The following WASHC4 variants were observed in gnomAD, a reference collection of about 807,000 sequenced individuals.
WASHC4 encodes WASH complex subunit 4, also known as WASH complex subunit 7.
Under a neutral mutation model 166.6 loss-of-function variants are expected in WASHC4, and 86 were observed. The ratio of observed to expected loss-of-function variants is 0.52; its 90% confidence interval spans 0.43 to 0.62. The LOEUF is 0.62. Among genes scored for constraint, WASHC4 ranks in the 20% least tolerant of loss-of-function variants. The pLI is 0.00. For missense variants in WASHC4, 1,262 were observed against 1,382.4 expected (o/e 0.91, Z 1.38); for synonymous variants, 446 against 451.6 (o/e 0.99, Z 0.16).
In WASHC4 at chr12:105,144,883, A is replaced by C. The variant is rs758683532; in HGVS notation, c.2334+11A>C. On this transcript the variant is annotated intron_variant, in intron 22 of 32. Transcript: ENST00000332180. ...CAGACTTTGGAACAGGTATAGTATA[A>C]AATGTTTTTTTTAGCATACTGTGAC... 6.2e-7 allele frequency: 1 copy of C among 1,608,728 alleles called. No homozygotes were observed. The highest frequency in any genetic ancestry group is 8.5e-7 in the Non-Finnish European group (1 of 1,178,126).
In WASHC4 at chr12:105,142,943, T is replaced by G. The variant is rs183516059; in HGVS notation, c.1894-184T>G. ...AAGGACTAGCGAATGTGATTTTTTTTGGGTATATTTAGTTAAAGTATATGC... is the reference window on the plus strand; with the variant it reads ...AAGGACTAGCGAATGTGATTTTTTTGGGGTATATTTAGTTAAAGTATATGC... On this transcript the variant is annotated intron_variant, in intron 19 of 32. Coordinates refer to ENST00000332180, the MANE Select transcript of WASHC4 (RefSeq NM_015275.3). Among the ~76,000 whole-genome samples, 531 of 152,144 alleles carry G rather than the reference T, an allele frequency of 3.5e-3. 2 individuals are homozygous for G. Among genetic ancestry groups the G allele is most frequent in the African/African-American group, 0.012 (490 of 41,578 alleles).
At position 105,168,436 on chromosome 12, in the gene WASHC4, TTATAA is replaced by T. The variant is rs1339810295; in HGVS notation, c.*1506_*1510del. 6.7e-6 allele frequency: 1 copy of T among 148,272 alleles called. No individual in the cohort carries two copies. The highest frequency in any genetic ancestry group is 2.6e-5 in the African/African-American group (1 of 38,962). 9.2% of individuals were successfully genotyped at this position (148,272 alleles called of 1,614,324 possible). A position where few individuals can be genotyped will look rare whatever the true frequency, so the allele number is the denominator to read the frequency against. On this transcript the variant is annotated 3_prime_UTR_variant, in exon 33 of 33. Coordinates refer to ENST00000332180, the MANE Select transcript of WASHC4 (RefSeq NM_015275.3). ...TAATTAATAATTTATATTTTCATTA[TTATAA>T]GTGTTTATATTAATGATCTTGCATT...
chr12:105,117,453 T>C (rs1276143545), intron 6 of WASHC4, among the ~76,000 whole-genome samples: 1 of 152,232 alleles, frequency 6.6e-6, no homozygotes, highest in Non-Finnish European at 1.5e-5. Context: ...GGCTTGTTTC[T>C]GCCTTTTTAC....
At chr12:105,110,770 T>C (rs376846990) in intron 1 of WASHC4, among the ~76,000 whole-genome samples, 1 of 152,140 alleles carries the variant, frequency 6.6e-6, no homozygotes, top group African/African-American at 2.4e-5. Flanking sequence ...TGCAAAAGAG[T>C]TGTTCATGAC....
chr12:105,126,953 A>T (rs1473358542), intron 12 of WASHC4, among the ~76,000 whole-genome samples, 176 bp from the exon 13 acceptor site: 1 of 152,086 alleles, frequency 6.6e-6, no homozygotes, highest in African/African-American at 2.4e-5. Context: ...CAGATGTAGA[A>T]ATGCCTTAAC....
Position 105,111,140 on chromosome 12 carries a change from T to G in WASHC4, c.77T>G (p.Val26Gly). ...TTAAACTTAGAAATTCATGCCGAAG[T>G]CCAACTTAAGAATTATGGGAAATTT... ...DDGSQKIHAE[V>G]QLKNYGKFLE... is the part of the protein sequence containing the mutation. The change falls in exon 2 of 33, where the codon GTC becomes GGC. Residue 26 changes from valine (V) to glycine (G), a missense_variant. Coordinates refer to ENST00000332180, the MANE Select transcript of WASHC4 (RefSeq NM_015275.3). 1 of 1,605,902 alleles carries G rather than the reference T, an allele frequency of 6.2e-7. No homozygotes were observed. The highest frequency in any genetic ancestry group is 8.5e-7 in the Non-Finnish European group (1 of 1,173,360).
Position 105,115,653 on chromosome 12 carries a change from T to C in WASHC4, c.368-8T>C. 6.2e-7 allele frequency: 1 copy of C among 1,600,610 alleles called. No individual in the cohort carries two copies. Among genetic ancestry groups the C allele is most frequent in the Non-Finnish European group, 8.6e-7 (1 of 1,168,046 alleles). On this transcript the variant is annotated splice_polypyrimidine_tract_variant and splice_region_variant and intron_variant, in intron 5 of 32. Transcript: ENST00000332180. ...ATGAAATATGCTTATTCATGTTGCC[T>C]TTTACAGCTACAGATGCCAGCATGG...
rs774709726 is a variant in WASHC4, at chr12:105,126,348, G to C, written c.1024G>C (p.Asp342His). The C allele has an allele frequency of 6.3e-7, 1 of 1,582,430 alleles. No individual in the cohort carries two copies. Among genetic ancestry groups the C allele is most frequent in the Non-Finnish European group, 8.7e-7 (1 of 1,153,376 alleles). The change falls in exon 12 of 33, where the codon GAC becomes CAC. Residue 342 changes from aspartate to histidine, a missense_variant. Physicochemically the swap from Asp to His is moderately conservative, Grantham distance 81. Transcript: ENST00000332180. ...TAAAAAGTTTTATAAGTCTTTATTG[G>C]ACATTTGTAAGAAGGTAAGAACTTG... ...IDKKFYKSLLDICKKVPAITL... is the reference protein window; with the variant it reads ...IDKKFYKSLLHICKKVPAITL...
intron 28 of WASHC4, among the ~76,000 whole-genome samples, chr12:105,159,551 A>G (rs556773274): frequency 1.9e-4 from 29 of 152,202 alleles, no homozygotes; most frequent in Non-Finnish European, 4.1e-4. Context: ...AATAATTGAA[A>G]GTGGTAGTAG....
At chr12:105,129,774 C>T (rs1592867806) in intron 13 of WASHC4, among the ~76,000 whole-genome samples, 1 of 152,134 alleles carries the variant, frequency 6.6e-6, no homozygotes, top group Admixed American at 6.5e-5. Flanking sequence ...ATCTCTGTGG[C>T]TCCAGTAGGC....
chr12:105,162,630 G>GATTCT (rs3040271), intron 29 of WASHC4, 119 bp from the exon 30 acceptor site: 2 of 641,872 alleles, frequency 3.1e-6, no homozygotes, highest in Non-Finnish European at 5.6e-6. Flanking sequence ...CAGGAATCTA[G>GATTCT]ATTCTATTCT....
At chr12:105,152,322 G>A (rs1472565059) in intron 25 of WASHC4, 21 bp from the exon 26 acceptor site, 2 of 1,219,804 alleles carry the variant, frequency 1.6e-6, no homozygotes, top group South Asian at 2.4e-5. Context: ...ATTAAAAGTA[G>A]CCTTAAAATT....
Position 105,139,425 on chromosome 12 carries a change from G to GTGTGTGTGTGTGTATATATA in WASHC4, c.1453-868_1453-867insGTGTGTGTGTGTATATATAT. ...AGACAGACTATATATATGTGTGTGT[G>GTGTGTGTGTGTGTATATATA]TATATATATATATATATATATATAT... On this transcript the variant is annotated intron_variant, in intron 15 of 32. Transcript: ENST00000332180. Among the ~76,000 whole-genome samples the GTGTGTGTGTGTGTATATATA allele has an allele frequency of 4.0e-3, 414 of 103,116 alleles. 2 individuals carry two copies. The highest frequency in any genetic ancestry group is 0.013 in the East Asian group (48 of 3,590). 67.6% of individuals were successfully genotyped at this position (103,116 alleles called of 152,430 possible). A position where few individuals can be genotyped will look rare whatever the true frequency, so the allele number is the denominator to read the frequency against.
rs895199361 is a variant in WASHC4, at chr12:105,157,091, T to C, written c.2826-145T>C. 14 of 630,746 alleles carry C rather than the reference T, an allele frequency of 2.2e-5. 1 individual carries two copies. In the Admixed American group the frequency reaches 3.7e-4, roughly 17 times the overall value. 39.1% of individuals were successfully genotyped at this position (630,746 alleles called of 1,614,324 possible). ...AAAATTCAATTTGGAACTAAAGTGG[T>C]GATATGAATAATATTACTGAAATGC... On this transcript the variant is annotated intron_variant, in intron 27 of 32. Coordinates refer to ENST00000332180, the MANE Select transcript of WASHC4 (RefSeq NM_015275.3).
chr12:105,144,917 G>C, intron 22 of WASHC4, 45 bp downstream of exon 22: 1 of 1,563,206 alleles, frequency 6.4e-7, no homozygotes, highest in Non-Finnish European at 8.8e-7. Context: ...ACTGTTGGCT[G>C]TAACAGTACT....
At chr12:105,118,725 G>T (rs537760526) in intron 7 of WASHC4, among the ~76,000 whole-genome samples, 197 bp downstream of exon 7, 1 of 152,170 alleles carries the variant, frequency 6.6e-6, no homozygotes, top group Admixed American at 6.5e-5. Flanking sequence ...CCCATTATCT[G>T]TCTGAATGAC....
At position 105,150,658 on chromosome 12, in the gene WASHC4, C is replaced by T. The variant is rs200316469; in HGVS notation, c.2649+909C>T. Among the ~76,000 whole-genome samples the T allele has an allele frequency of 1.9e-4, 29 of 152,260 alleles. No homozygotes were observed. In the East Asian group the frequency reaches 2.3e-3, roughly 12 times the overall value. ...AATTAGCCGGGCATGGTGGCACATG[C>T]CTGAAGTCTCAGATGCTCAGGAGGC... On this transcript the variant is annotated intron_variant, in intron 25 of 32. Coordinates refer to ENST00000332180, the MANE Select transcript of WASHC4 (RefSeq NM_015275.3).
Position 105,142,443 on chromosome 12 carries a change from T to G in WASHC4, c.1788-10T>G. ...GTTTTGGTGTGACTGATTACTACTTTACATTGTAGAGTCCAAACACAATGT... is the reference window on the plus strand; with the variant it reads ...GTTTTGGTGTGACTGATTACTACTTGACATTGTAGAGTCCAAACACAATGT... On this transcript the variant is annotated splice_polypyrimidine_tract_variant and intron_variant, in intron 18 of 32. Transcript: ENST00000332180. 6.6e-7 allele frequency: 1 copy of G among 1,522,832 alleles called. No individual in the cohort carries two copies. Among genetic ancestry groups the G allele is most frequent in the East Asian group, 2.3e-5 (1 of 44,324 alleles). The allele number at this position is 1,522,832 out of a possible 1,614,324, so 94.3% of individuals were successfully genotyped here.
At chr12:105,139,835 A>G (rs1882664595) in intron 15 of WASHC4, among the ~76,000 whole-genome samples, 1 of 151,354 alleles carries the variant, frequency 6.6e-6, no homozygotes, top group Non-Finnish European at 1.5e-5. Flanking sequence ...TTTGATGAAC[A>G]GAAGTGCTTA....
Sources: gnomAD v4.1 joint callset for allele counts (sites outside exome capture counted in the v4.1 genomes callset) on GRCh38, gnomAD v4.1.1 for gene constraint, MANE v1.5 for transcripts, NCBI Gene and HGNC (gene_info 2026-07-23, HGNC 2026-07-21) for gene names.